TSC22D3: variants seen among roughly 807,000 people sequenced by gnomAD.
TSC22D3 encodes the protein TSC22 domain family member 3.
In TSC22D3, 4 loss-of-function variants were observed where a neutral mutation model predicts 11.1. The ratio of observed to expected loss-of-function variants is 0.36; its 90% confidence interval spans 0.18 to 0.83. The LOEUF (loss-of-function observed/expected upper bound fraction) is 0.83, where lower values mean the gene tolerates loss of function less well. TSC22D3 is among the 40% of genes least tolerant of loss of function. TSC22D3 has a pLI of 0.48. For synonymous variants in TSC22D3, 77 were observed against 70.3 expected, an observed-to-expected ratio of 1.10 and a Z score of -0.48; for missense variants, 118 against 159.4, an observed-to-expected ratio of 0.74 and a Z score of 1.40.
At chrX:107,750,149 A>G (rs965301268) in intron 1 of TSC22D3, among the ~76,000 whole-genome samples, 11 of 112,060 alleles carry the variant, frequency 9.8e-5, no homozygotes, top group Non-Finnish European at 1.7e-4. Context: ...GCAACATAGC[A>G]ACATAATAAT....
chrX:107,775,459 G>A lies in TSC22D3; in HGVS notation c.-40C>T. 9.0e-7 allele frequency: 1 copy of A among 1,112,003 alleles called. No individual in the cohort carries two copies. The highest frequency in any genetic ancestry group is 2.1e-5 in the South Asian group (1 of 47,194). 91.6% of individuals were successfully genotyped at this position (1,112,003 alleles called of 1,213,427 possible). ...AGGTCGCCTGGCCTGCGAGGTCAGG[G>A]GCGGCTGGCAGGTGCGCGCCCACCG... On this transcript the variant is annotated 5_prime_UTR_variant, in exon 1 of 3. Transcript: ENST00000372383.
chrX:107,755,242 A>G (rs1485082596), intron 1 of TSC22D3, among the ~76,000 whole-genome samples: 1 of 113,073 alleles, frequency 8.8e-6, no homozygotes, highest in East Asian at 2.7e-4. Context: ...GGACAGAATT[A>G]GGAGGAATAA....
chrX:107,716,226 G>C, intron 1 of TSC22D3: 2 of 874,215 alleles, frequency 2.3e-6, no homozygotes, highest in East Asian at 3.9e-5. Context: ...GCAGGCCACC[G>C]TGGCCTGCTC....
intron 1 of TSC22D3, among the ~76,000 whole-genome samples, chrX:107,749,677 A>T (rs963425111): frequency 8.9e-6 from 1 of 111,840 alleles, no homozygotes; most frequent in African/African-American, 3.3e-5. Context: ...GGTGATGGGC[A>T]TGGGGTCCCA....
rs769909896 is a variant in TSC22D3 at position 107,718,862 on chromosome X, A to T, written c.321-2912T>A. Among the ~76,000 whole-genome samples, 533 of 111,686 alleles carry T rather than the reference A, an allele frequency of 4.8e-3. 7 individuals are homozygous for T. Among genetic ancestry groups the T allele is most frequent in the African/African-American group, 0.017 (517 of 30,719 alleles). Reference sequence around the variant, plus strand: ...CTCTGAACACGGTGTTTGCACTAAGACATGTGTAGTAGACAGAACAAAGTG... The same window carrying T: ...CTCTGAACACGGTGTTTGCACTAAGTCATGTGTAGTAGACAGAACAAAGTG... On this transcript the variant is annotated intron_variant, in intron 1 of 2. Coordinates refer to ENST00000372383, the MANE Select transcript of TSC22D3 (RefSeq NM_198057.3).
At chrX:107,752,118 G>A (rs983487739) in intron 1 of TSC22D3, among the ~76,000 whole-genome samples, 1 of 112,178 alleles carries the variant, frequency 8.9e-6, no homozygotes, top group African/African-American at 3.2e-5. Context: ...CTAAGCAGCG[G>A]CGGGGGGTAG....
intron 1 of TSC22D3, chrX:107,716,530 C>CG: frequency 2.0e-6 from 2 of 982,468 alleles, no homozygotes; most frequent in African/African-American, 4.2e-5. Flanking sequence ...CGGCGGTGAC[C>CG]CCCCCCTTCC....
chrX:107,766,477 C>T (rs1032323399), intron 1 of TSC22D3, among the ~76,000 whole-genome samples: 26 of 94,043 alleles, frequency 2.8e-4, no homozygotes, highest in Non-Finnish European at 2.1e-4. Context: ...ACTCCCCCCA[C>T]CCCAACCCAC....
At chrX:107,751,595 G>A (rs772598779) in intron 1 of TSC22D3, among the ~76,000 whole-genome samples, 1 of 112,216 alleles carries the variant, frequency 8.9e-6, no homozygotes, top group Non-Finnish European at 1.9e-5. Context: ...AGGTATGCAC[G>A]AGGGAGGATT....
intron 2 of TSC22D3, 109 bp downstream of exon 2, chrX:107,715,790 C>T (rs1926983836): frequency 1.0e-6 from 1 of 991,275 alleles, no homozygotes; most frequent in African/African-American, 1.9e-5. Flanking sequence ...CTGTCGGCTT[C>T]CTCAGGGTTT....
At chrX:107,773,215 A>G (rs1602427029) in intron 1 of TSC22D3, among the ~76,000 whole-genome samples, 1 of 112,381 alleles carries the variant, frequency 8.9e-6, no homozygotes, top group Non-Finnish European at 1.9e-5. Flanking sequence ...AACAACCAGG[A>G]TGCTCCCGAG....
chrX:107,718,329 C>G (rs1323031796), intron 1 of TSC22D3, among the ~76,000 whole-genome samples: 1 of 112,144 alleles, frequency 8.9e-6, no homozygotes, highest in Non-Finnish European at 1.9e-5. Flanking sequence ...TTATTTACAC[C>G]AACTCAGGAC....
At chrX:107,725,356 C>T (rs1280693743) in intron 1 of TSC22D3, among the ~76,000 whole-genome samples, 1 of 112,072 alleles carries the variant, frequency 8.9e-6, no homozygotes, top group Admixed American at 9.4e-5. Context: ...AAAATGCAGG[C>T]GTCCTGGGCT....
At chrX:107,739,961 C>A (rs1196975354) in intron 1 of TSC22D3, among the ~76,000 whole-genome samples, 1 of 112,671 alleles carries the variant, frequency 8.9e-6, no homozygotes, top group Non-Finnish European at 1.9e-5. Flanking sequence ...TGAATACCAG[C>A]AGCTAACAGT....
chrX:107,759,042 G>A (rs1279340520), intron 1 of TSC22D3, among the ~76,000 whole-genome samples: 1 of 111,157 alleles, frequency 9.0e-6, no homozygotes, highest in Non-Finnish European at 1.9e-5. Context: ...CACCACGCCT[G>A]GCTAGTTGTT....
intron 1 of TSC22D3, among the ~76,000 whole-genome samples, chrX:107,758,966 C>T (rs1929306272): frequency 1.8e-5 from 2 of 111,294 alleles, no homozygotes; most frequent in African/African-American, 6.6e-5. Flanking sequence ...CTGCAACCTC[C>T]GCCTCCGGGG....
intron 2 of TSC22D3, among the ~76,000 whole-genome samples, chrX:107,715,575 C>A (rs1926967151): frequency 8.9e-6 from 1 of 112,399 alleles, no homozygotes; most frequent in Non-Finnish European, 1.9e-5. Flanking sequence ...TGAGCTCAGC[C>A]CCTTGCCAGC....
At chrX:107,737,283 C>T (rs1407004084) in intron 1 of TSC22D3, among the ~76,000 whole-genome samples, 1 of 112,057 alleles carries the variant, frequency 8.9e-6, no homozygotes, top group Non-Finnish European at 1.9e-5. Context: ...ATTCAAGGCC[C>T]TCCCTGGCAA....
intron 1 of TSC22D3, among the ~76,000 whole-genome samples, chrX:107,766,602 G>A (rs1824493135): frequency 1.8e-5 from 2 of 109,999 alleles, no homozygotes; most frequent in South Asian, 7.9e-4. Flanking sequence ...TCAGGTGATA[G>A]TAGGTTCCTC....
Sources: allele counts gnomAD v4.1 joint callset (sites outside exome capture counted in the v4.1 genomes callset), GRCh38; gene constraint gnomAD v4.1.1; transcripts MANE v1.5; gene names NCBI Gene and HGNC (gene_info 2026-07-23, HGNC 2026-07-21).